PDSS2: variants seen among roughly 807,000 people sequenced by gnomAD.
PDSS2 encodes the protein decaprenyl diphosphate synthase subunit 2.
In PDSS2, 31 loss-of-function variants were observed where a neutral mutation model predicts 44.5. That is an observed-to-expected ratio of 0.70 (90% confidence interval 0.52 to 0.94). The LOEUF (loss-of-function observed/expected upper bound fraction) is 0.94. PDSS2 is among the 40% of genes least tolerant of loss of function. The pLI is 0.00. For missense variants in PDSS2, 452 were observed against 482.2 expected (o/e 0.94, Z 0.59); for synonymous variants, 157 against 180.3 (o/e 0.87, Z 1.03).
At chr6:107,174,424 C>T (rs1771714846) in intron 7 of PDSS2, among the ~76,000 whole-genome samples, 1 of 152,102 alleles carries the variant, frequency 6.6e-6, no homozygotes, top group Non-Finnish European at 1.5e-5. Flanking sequence ...TATTGGAAGC[C>T]TTCAGTGACT....
At chr6:107,206,854 CAA>C (rs1358560090) in intron 6 of PDSS2, among the ~76,000 whole-genome samples, 3 of 152,166 alleles carry the variant, frequency 2.0e-5, no homozygotes, top group African/African-American at 7.2e-5. Context: ...TTAACTCTAA[CAA>C]AACCGGGCTG....
Position 107,363,552 on chromosome 6 carries a change from C to T in PDSS2, c.297-29220G>A, listed in dbSNP as rs577044852. Among the ~76,000 whole-genome samples, 215 of 152,294 alleles carry T rather than the reference C, an allele frequency of 1.4e-3. 3 individuals carry two copies. Among genetic ancestry groups the T allele is most frequent in the African/African-American group, 4.8e-3 (200 of 41,560 alleles). ...CTTCAGGAGTGAAGCTGCACATCTT[C>T]GCAGTGAGTGTTACAGCTCATAAAA... On this transcript the variant is annotated intron_variant, in intron 1 of 7. Coordinates refer to ENST00000369037, the MANE Select transcript of PDSS2 (RefSeq NM_020381.4).
intron 1 of PDSS2, among the ~76,000 whole-genome samples, chr6:107,408,061 T>C (rs1780378041): frequency 6.6e-6 from 1 of 151,576 alleles, no homozygotes; most frequent in South Asian, 2.1e-4. Flanking sequence ...AGAGTCTCAC[T>C]CTGTCATTCA....
chr6:107,386,333 C>A (rs1385482136), intron 1 of PDSS2, among the ~76,000 whole-genome samples: 1 of 149,492 alleles, frequency 6.7e-6, no homozygotes, highest in Non-Finnish European at 1.5e-5. Context: ...AAAGTAACTT[C>A]ATGTTTATTA....
intron 1 of PDSS2, among the ~76,000 whole-genome samples, chr6:107,349,346 T>A (rs2115326443): frequency 6.7e-6 from 1 of 149,796 alleles, no homozygotes; most frequent in East Asian, 2.0e-4. Flanking sequence ...GGCAGGAGAA[T>A]GGCGTGAACC....
chr6:107,277,406 T>G (rs377330865), intron 2 of PDSS2, among the ~76,000 whole-genome samples: 27 of 152,322 alleles, frequency 1.8e-4, no homozygotes, highest in African/African-American at 6.3e-4. Context: ...AAGTGAGAGA[T>G]AAGAATTTTG....
At chr6:107,382,309 C>T (rs1779478490) in intron 1 of PDSS2, among the ~76,000 whole-genome samples, 1 of 152,006 alleles carries the variant, frequency 6.6e-6, no homozygotes. Flanking sequence ...TAATTAAAGT[C>T]TTGAACCCAA....
intron 1 of PDSS2, among the ~76,000 whole-genome samples, chr6:107,430,796 A>C (rs539413856): frequency 6.6e-6 from 1 of 152,092 alleles, no homozygotes; most frequent in South Asian, 2.1e-4. Context: ...GAGACAAGAG[A>C]GAAACTCCGT....
chr6:107,444,724 C>T (rs2114822486), intron 1 of PDSS2, among the ~76,000 whole-genome samples: 1 of 152,110 alleles, frequency 6.6e-6, no homozygotes, highest in East Asian at 1.9e-4. Flanking sequence ...ATTCAAAGAG[C>T]TCTGAAGAAT....
chr6:107,400,969 C>G (rs1345714738), intron 1 of PDSS2, among the ~76,000 whole-genome samples: 1 of 152,206 alleles, frequency 6.6e-6, no homozygotes, highest in Non-Finnish European at 1.5e-5. Context: ...ACTTCAGAAC[C>G]TGAAGACAAG....
rs79526938 is a variant in PDSS2, at chr6:107,333,910, A to T, written c.431+288T>A. On this transcript the variant is annotated intron_variant, in intron 2 of 7. Coordinates refer to ENST00000369037, the MANE Select transcript of PDSS2 (RefSeq NM_020381.4). ...GTGGCACAGAGGTCTCTACAGAGAC[A>T]CAACAATACATAATAAGGGGAGGGA... Among the ~76,000 whole-genome samples the T allele has an allele frequency of 2.3e-3, 352 of 152,318 alleles. 5 individuals carry two copies. The highest frequency in any genetic ancestry group is 8.3e-3 in the African/African-American group (344 of 41,580).
At chr6:107,355,526 G>A (rs1005333269) in intron 1 of PDSS2, among the ~76,000 whole-genome samples, 1 of 152,216 alleles carries the variant, frequency 6.6e-6, no homozygotes, top group East Asian at 1.9e-4. Context: ...TACAATTTTT[G>A]AAAATTATTT....
At chr6:107,315,413 G>A (rs1174334217) in intron 2 of PDSS2, among the ~76,000 whole-genome samples, 2 of 152,170 alleles carry the variant, frequency 1.3e-5, no homozygotes, top group Non-Finnish European at 2.9e-5. Flanking sequence ...TGATTGGACT[G>A]TTAATAAAAT....
intron 2 of PDSS2, among the ~76,000 whole-genome samples, chr6:107,332,359 G>A (rs1159490470): frequency 6.6e-6 from 1 of 152,046 alleles, no homozygotes; most frequent in Admixed American, 6.5e-5. Context: ...ATCTGCCTCA[G>A]CCTCCCAAAG....
At chr6:107,244,042 C>T (rs892017293) in intron 4 of PDSS2, among the ~76,000 whole-genome samples, 16 of 152,180 alleles carry the variant, frequency 1.1e-4, no homozygotes, top group Admixed American at 1.0e-3. Flanking sequence ...GCAGGATAAT[C>T]GCTTGAACCC....
At chr6:107,424,768 A>C (rs1361270332) in intron 1 of PDSS2, among the ~76,000 whole-genome samples, 1 of 152,246 alleles carries the variant, frequency 6.6e-6, no homozygotes, top group Non-Finnish European at 1.5e-5. Flanking sequence ...TCATTGGAGA[A>C]TATGCTAAGG....
At chr6:107,319,051 ACACT>A (rs1249302013) in intron 2 of PDSS2, among the ~76,000 whole-genome samples, 1 of 151,928 alleles carries the variant, frequency 6.6e-6, no homozygotes, top group Non-Finnish European at 1.5e-5. Flanking sequence ...CACTACACAC[ACACT>A]CAGTATCTGA....
At chr6:107,257,661 A>AC (rs1221600809) in intron 3 of PDSS2, among the ~76,000 whole-genome samples, 1 of 151,896 alleles carries the variant, frequency 6.6e-6, no homozygotes, top group Non-Finnish European at 1.5e-5. Context: ...TCTCTATCAC[A>AC]CAGGCTGGAG....
chr6:107,158,818 TC>T (rs1554246200), intron 7 of PDSS2, among the ~76,000 whole-genome samples: 1 of 151,854 alleles, frequency 6.6e-6, no homozygotes, highest in Non-Finnish European at 1.5e-5. Flanking sequence ...AACCTCCACC[TC>T]CCAGGTTCAA....
Sources: allele counts gnomAD v4.1 joint callset (sites outside exome capture counted in the v4.1 genomes callset), GRCh38; gene constraint gnomAD v4.1.1; transcripts MANE v1.5; gene names NCBI Gene and HGNC (gene_info 2026-07-23, HGNC 2026-07-21).